PXT1: variants seen among roughly 807,000 people sequenced by gnomAD.
The protein encoded by PXT1 is peroxisomal testis-specific protein 1.
A neutral mutation model predicts 11.0 loss-of-function variants in PXT1; 11 were observed. The observed-to-expected ratio is 1.00, with a 90% CI of 0.63 to 1.66. PXT1 has a LOEUF of 1.66. Among genes scored for constraint, PXT1 ranks in the 40% most tolerant of loss-of-function variants. The pLI, the probability that PXT1 is intolerant of heterozygous loss-of-function variation, is 0.00. For synonymous variants in PXT1, 43 were observed against 51.4 expected (o/e 0.84, Z 0.70); for missense variants, 141 against 155.5 (o/e 0.91, Z 0.49).
intron 3 of PXT1, among the ~76,000 whole-genome samples, chr6:36,423,734 A>C (rs1405075950): frequency 6.6e-6 from 1 of 152,204 alleles, no homozygotes; most frequent in Non-Finnish European, 1.5e-5. Context: ...CTGCCTGAAC[A>C]GAAAGGCAAC....
At chr6:36,397,083 A>G (rs1774155118) in intron 4 of PXT1, among the ~76,000 whole-genome samples, 1 of 152,206 alleles carries the variant, frequency 6.6e-6, no homozygotes, top group South Asian at 2.1e-4. Context: ...GAGCTGTTGT[A>G]ACACTCAATA....
intron 4 of PXT1, among the ~76,000 whole-genome samples, chr6:36,395,493 ATT>A (rs148553371): frequency 0.018 from 1,351 of 73,200 alleles, 6 homozygotes; most frequent in African/African-American, 0.063. Context: ...CAAACTTAGG[ATT>A]TTTTTTTTTT....
Position 36,390,613 on chromosome 6 carries a change from C to T in PXT1, c.*1157G>A, listed in dbSNP as rs1463292566. The T allele has an allele frequency of 6.6e-6, 1 of 152,108 alleles. No individual in the cohort carries two copies. The highest frequency in any genetic ancestry group is 1.5e-5 in the Non-Finnish European group (1 of 68,012). 9.4% of individuals were successfully genotyped at this position (152,108 alleles called of 1,614,324 possible). On this transcript the variant is annotated 3_prime_UTR_variant, in exon 5 of 5. Coordinates refer to ENST00000454782, the MANE Select transcript of PXT1 (RefSeq NM_152990.4). ...TTAGAATTTTTTAAAATAACACTTC[C>T]CCTATGAAGAACTCAAGATACATAT... is the stretch of plus-strand genomic sequence containing the variant.
intron 3 of PXT1, among the ~76,000 whole-genome samples, chr6:36,408,591 A>AT (rs76802580): frequency 0.26 from 38,346 of 150,336 alleles, 4,914 homozygotes; most frequent in East Asian, 0.38. Context: ...AGAAAAAAAA[A>AT]TTTTTTGTAG....
At chr6:36,414,134 A>G (rs1467322220) in intron 3 of PXT1, among the ~76,000 whole-genome samples, 1 of 150,520 alleles carries the variant, frequency 6.6e-6, no homozygotes, top group Non-Finnish European at 1.5e-5. Context: ...AGTAAAACAC[A>G]ATAAATAGAG....
chr6:36,436,812 T>C (rs1013493183), intron 2 of PXT1, among the ~76,000 whole-genome samples: 1 of 152,196 alleles, frequency 6.6e-6, no homozygotes, highest in Non-Finnish European at 1.5e-5. Flanking sequence ...TTGGGAAATA[T>C]TTATTAAATT....
chr6:36,426,025 G>A lies in PXT1; in HGVS notation c.58C>T (p.Pro20Ser). 6.5e-7 allele frequency: 1 copy of A among 1,528,160 alleles called. No individual in the cohort carries two copies. The highest frequency in any genetic ancestry group is 8.8e-7 in the Non-Finnish European group (1 of 1,142,302). 94.7% of individuals were successfully genotyped at this position (1,528,160 alleles called of 1,614,324 possible). ...GATTTGCAACAATGTGTTACTTTGG[G>A]AGATGGATTGAGAACTTCTTTAGTT... ...YETKEVLNPS[P>S]KVTHCCKSLW... The change falls in exon 3 of 5, where the codon CCC becomes TCC. Residue 20 changes from proline (P) to serine (S), a missense_variant. Transcript: ENST00000454782.
chr6:36,423,454 A>C (rs1774553354), intron 3 of PXT1, among the ~76,000 whole-genome samples: 1 of 152,360 alleles, frequency 6.6e-6, no homozygotes, highest in East Asian at 1.9e-4. Context: ...CACGTGGGCC[A>C]GCTGTGGCCA....
intron 3 of PXT1, among the ~76,000 whole-genome samples, chr6:36,412,499 A>C (rs1412350833): frequency 6.6e-6 from 1 of 152,080 alleles, no homozygotes; most frequent in Admixed American, 6.5e-5. Context: ...GTCTCTACTA[A>C]AAATGCAAAA....
chr6:36,393,242 A>G (rs1774095535), intron 4 of PXT1, among the ~76,000 whole-genome samples: 1 of 152,156 alleles, frequency 6.6e-6, no homozygotes, highest in Admixed American at 6.5e-5. Context: ...CCGGGATTAC[A>G]GGCGTGAGCC....
At chr6:36,441,674 T>C (rs1054093692) in intron 1 of PXT1, among the ~76,000 whole-genome samples, 1 of 152,182 alleles carries the variant, frequency 6.6e-6, no homozygotes, top group Admixed American at 6.5e-5. Context: ...CTAGTCCATG[T>C]TGAGATAAAC....
chr6:36,400,970 C>CA lies in PXT1; in HGVS notation c.170-387dup, dbSNP rs200057048. Reference sequence around the variant, plus strand: ...GGGTGACAAGAGCAAAACTCCATCTCAAAAAAAAAAAGAGTTGAAATTCAG... The same window carrying CA: ...GGGTGACAAGAGCAAAACTCCATCTCAAAAAAAAAAAAGAGTTGAAATTCAG... On this transcript the variant is annotated intron_variant, in intron 3 of 4. Transcript: ENST00000454782. Among the ~76,000 whole-genome samples the CA allele has an allele frequency of 2.4e-3, 324 of 134,582 alleles. 1 individual carries two copies. Among genetic ancestry groups the CA allele is most frequent in the African/African-American group, 7.4e-3 (271 of 36,664 alleles). 88.3% of individuals were successfully genotyped at this position (134,582 alleles called of 152,430 possible).
Position 36,436,000 on chromosome 6 carries a change from A to G in PXT1, c.-10+2767T>C, listed in dbSNP as rs561855128. ...CAGAGATGAAAGCAGGGATCCTGGAAAACAAGACTGTGCCATAAACTTTTT... is the reference window on the plus strand; with the variant it reads ...CAGAGATGAAAGCAGGGATCCTGGAGAACAAGACTGTGCCATAAACTTTTT... On this transcript the variant is annotated intron_variant, in intron 2 of 4. Transcript: ENST00000454782. 3.3e-5 allele frequency among the ~76,000 whole-genome samples: 5 copies of G among 152,242 alleles called. No individual in the cohort carries two copies. In the East Asian group the frequency reaches 9.6e-4, roughly 29 times the overall value.
intron 1 of PXT1, among the ~76,000 whole-genome samples, chr6:36,440,341 C>T (rs1002806867): frequency 6.6e-5 from 10 of 152,090 alleles, no homozygotes; most frequent in African/African-American, 1.7e-4. Flanking sequence ...GATGCCGAGG[C>T]GGGTGGATCA....
intron 3 of PXT1, among the ~76,000 whole-genome samples, chr6:36,412,199 A>C (rs1272747176): frequency 6.6e-6 from 1 of 151,624 alleles, no homozygotes; most frequent in Admixed American, 6.6e-5. Flanking sequence ...CAAAAACACA[A>C]AAATTAGCCA....
chr6:36,441,392 C>T (rs1424398645), intron 1 of PXT1, among the ~76,000 whole-genome samples: 1 of 152,162 alleles, frequency 6.6e-6, no homozygotes, highest in Non-Finnish European at 1.5e-5. Context: ...TTCCTTTTCT[C>T]CAGGCATACA....
intron 2 of PXT1, among the ~76,000 whole-genome samples, chr6:36,436,113 C>CAAAAAAAAAAAAAAAAAAAACA (rs11294829): frequency 1.7e-5 from 1 of 60,086 alleles, no homozygotes. Context: ...AAAAGTAAGC[C>CAAAAAAAAAAAAAAAAAAAACA]AAAAAAAAAA....
chr6:36,423,557 C>G (rs1465825270), intron 3 of PXT1, among the ~76,000 whole-genome samples: 1 of 152,250 alleles, frequency 6.6e-6, no homozygotes, highest in Non-Finnish European at 1.5e-5. Context: ...AGGCCGGGTT[C>G]CCGAATTACA....
chr6:36,423,387 A>G (rs1033659809), intron 3 of PXT1, among the ~76,000 whole-genome samples: 1 of 152,214 alleles, frequency 6.6e-6, no homozygotes, highest in African/African-American at 2.4e-5. Flanking sequence ...CTCCCGCCCT[A>G]GGCTTTCTGT....
Sources: allele counts gnomAD v4.1 joint callset (sites outside exome capture counted in the v4.1 genomes callset), GRCh38; gene constraint gnomAD v4.1.1; transcripts MANE v1.5; gene names NCBI Gene and HGNC (gene_info 2026-07-23, HGNC 2026-07-21).